The following YME1L1 variants were observed in gnomAD, a reference collection of about 807,000 sequenced individuals.
YME1L1 encodes ATP-dependent zinc metalloprotease YME1L1.
YME1L1 carries 39 observed loss-of-function variants against 90.4 expected under a neutral mutation model. The observed-to-expected ratio is 0.43, with a 90% CI of 0.33 to 0.56. YME1L1 has a LOEUF of 0.56. Among genes scored for constraint, YME1L1 ranks in the 20% least tolerant of loss-of-function variants. The pLI, the probability that YME1L1 is intolerant of heterozygous loss-of-function variation, is 0.03. For synonymous variants in YME1L1, 284 were observed against 287.3 expected, an observed-to-expected ratio of 0.99 and a Z score of 0.12; for missense variants, 617 against 868.4, an observed-to-expected ratio of 0.71 and a Z score of 3.64.
chr10:27,147,626 T>C (rs1009726926), intron 2 of YME1L1: 6 of 1,554,760 alleles, frequency 3.9e-6, no homozygotes, highest in African/African-American at 2.7e-5. Context: ...CCTTTGCCAA[T>C]TGAAACAATG....
chr10:27,130,396 CATATAA>C (rs1564461365), intron 8 of YME1L1, among the ~76,000 whole-genome samples: 3 of 152,196 alleles, frequency 2.0e-5, no homozygotes, highest in Non-Finnish European at 2.9e-5. Flanking sequence ...ACTTAACATA[CATATAA>C]ATATAATCTC....
Position 27,150,736 on chromosome 10 carries a change from A to AG in YME1L1, c.34-1697dup, listed in dbSNP as rs547403172. ...GTGGTCTAAAAAGGGGAGGAACCTT[A>AG]GGGGTCCCCCTTTCCCTGAAAACTT... On this transcript the variant is annotated intron_variant, in intron 1 of 18. Transcript: ENST00000376016. 1.2e-4 allele frequency among the ~76,000 whole-genome samples: 19 copies of AG among 152,278 alleles called. 1 individual carries two copies. The South Asian group carries it at 3.3e-3, about 27-fold the overall frequency.
At chr10:27,146,554 A>G (rs573621149) in intron 2 of YME1L1, 1 of 152,262 alleles carries the variant, frequency 6.6e-6, no homozygotes, top group South Asian at 2.1e-4. Context: ...CAACATGGTA[A>G]GACATCATCT....
chr10:27,153,105 T>G (rs2057246367), intron 1 of YME1L1: 2 of 454,676 alleles, frequency 4.4e-6, no homozygotes, highest in Admixed American at 4.8e-5. Flanking sequence ...CTTTCCTAAC[T>G]CAGGACCTCC....
chr10:27,135,574 G>A (rs1395826538), intron 5 of YME1L1, among the ~76,000 whole-genome samples: 2 of 152,134 alleles, frequency 1.3e-5, no homozygotes, highest in African/African-American at 4.8e-5. Context: ...ACAATCTGAC[G>A]GAGGCATGAA....
chr10:27,131,895 G>T lies in YME1L1; in HGVS notation c.822C>A (p.Val274=), dbSNP rs538552104. Residue 274 remains valine (V), a synonymous_variant, in exon 8 of 19, where the codon GTC becomes GTA. Coordinates refer to ENST00000376016, the MANE Select transcript of YME1L1 (RefSeq NM_014263.4). ...TTGLDSAVDP[V]QMKNVTFEHV... ...GTTCAAAGGTGACATTTTTCATCTG[G>T]ACAGGATCTACTGCAGAATCAAGCC... The T allele has an allele frequency of 6.2e-7, 1 of 1,613,048 alleles. No homozygotes were observed. The highest frequency in any genetic ancestry group is 8.5e-7 in the Non-Finnish European group (1 of 1,179,732).
rs1010072443 is a variant in YME1L1, at chr10:27,136,279, C to T, written c.537G>A (p.Val179=). 8 of 1,610,864 alleles carry T rather than the reference C, an allele frequency of 5.0e-6. No homozygotes were observed. The highest frequency in any genetic ancestry group is 5.9e-6 in the Non-Finnish European group (7 of 1,178,962). The change falls in exon 5 of 19, where the codon GTG becomes GTA. Residue 179 remains valine (V), a synonymous_variant. Coordinates refer to ENST00000376016, the MANE Select transcript of YME1L1 (RefSeq NM_014263.4). ...GATCATAAAAAGGTCTAATTACCTT[C>T]ACGAATGATGGCGCTATATTCTGTG... ...AETQNIAPSF[V]KGFLLRDRGS...
intron 11 of YME1L1, 150 bp downstream of exon 11, chr10:27,122,691 G>T: frequency 9.9e-7 from 1 of 1,005,370 alleles, no homozygotes; most frequent in Non-Finnish European, 1.4e-6. Flanking sequence ...GTTCTTGCAT[G>T]AGGGACTACT....
chr10:27,119,375 C>A lies in YME1L1; in HGVS notation c.1486G>T (p.Ala496Ser), dbSNP rs1270983397. ...CCATCAACAGCTGCTTTTAATGCAGCCTGGTTCACAAGATTCTCCAACTCT... is the reference window on the plus strand; with the variant it reads ...CCATCAACAGCTGCTTTTAATGCAGACTGGTTCACAAGATTCTCCAACTCT... The part of the protein sequence containing the change: ...GAELENLVNQ[A>S]ALKAAVDGKE... The change falls in exon 14 of 19, where the codon GCT becomes TCT. Residue 496 changes from alanine (A) to serine (S), a missense_variant. Coordinates refer to ENST00000376016, the MANE Select transcript of YME1L1 (RefSeq NM_014263.4). 2 of 1,613,726 alleles carry A rather than the reference C, an allele frequency of 1.2e-6. No individual in the cohort carries two copies. The highest frequency in any genetic ancestry group is 2.7e-5 in the African/African-American group (2 of 74,894).
intron 15 of YME1L1, 47 bp from the exon 16 acceptor site, chr10:27,116,392 G>C: frequency 1.2e-6 from 2 of 1,602,094 alleles, no homozygotes; most frequent in Non-Finnish European, 1.7e-6. Context: ...AAAGAGGCTG[G>C]GTGCGGTGGC....
chr10:27,111,995 T>C lies in YME1L1; in HGVS notation c.2133A>G (p.Lys711=). Reference sequence around the variant, plus strand: ...AGAGTTATCATCTCACTTCCAACTTTTTCCCCTCAAGAACAATTTGAATCT... The same window carrying C: ...AGAGTTATCATCTCACTTCCAACTTCTTCCCCTCAAGAACAATTTGAATCT... The part of the protein sequence containing the change: ...AKEIQIVLEG[K]KLEVR The change falls in exon 19 of 19, where the codon AAA becomes AAG. Residue 711 remains lysine (K), a synonymous_variant. Transcript: ENST00000376016. The C allele has an allele frequency of 6.2e-7, 1 of 1,614,062 alleles. No homozygotes were observed. Among genetic ancestry groups the C allele is most frequent in the Non-Finnish European group, 8.5e-7 (1 of 1,180,002 alleles).
intron 2 of YME1L1, chr10:27,147,646 G>T: frequency 6.4e-7 from 1 of 1,551,596 alleles, no homozygotes. Context: ...GTTAAGCTTC[G>T]TCAGGAAGTC....
In YME1L1 at chr10:27,119,164, C is replaced by G. The variant is rs530612114; in HGVS notation, c.1567+130G>C. ...ATTACAAATCTTGAAAACCCAGACA[C>G]TGAAGTTTTAGAGTAAGATTAGATT... On this transcript the variant is annotated intron_variant, in intron 14 of 18. Coordinates refer to ENST00000376016, the MANE Select transcript of YME1L1 (RefSeq NM_014263.4). The G allele has an allele frequency of 4.7e-5, 44 of 935,430 alleles. No homozygotes were observed. In the African/African-American group the frequency reaches 7.5e-4, roughly 16 times the overall value. The allele number at this position is 935,430 out of a possible 1,614,324, so 57.9% of individuals were successfully genotyped here. A position where few individuals can be genotyped will look rare whatever the true frequency, so the allele number is the denominator to read the frequency against.
chr10:27,124,066 A>G, intron 9 of YME1L1, among the ~76,000 whole-genome samples: 1 of 152,376 alleles, frequency 6.6e-6, no homozygotes, highest in South Asian at 2.1e-4. Context: ...ATGCTTTTTC[A>G]TAAAGAACAA....
At chr10:27,123,739 T>TA (rs2056889781) in intron 9 of YME1L1, 40 bp from the exon 10 acceptor site, 5 of 1,559,316 alleles carry the variant, frequency 3.2e-6, no homozygotes, top group African/African-American at 1.4e-5. Context: ...AAAGTATTTT[T>TA]AAAAAATCCC....
At chr10:27,130,925 C>T (rs1156501046) in intron 8 of YME1L1, among the ~76,000 whole-genome samples, 1 of 152,216 alleles carries the variant, frequency 6.6e-6, no homozygotes, top group Non-Finnish European at 1.5e-5. Context: ...AATCTTGTGG[C>T]TCTTTTTGAC....
At chr10:27,129,270 T>C (rs2056953963) in intron 8 of YME1L1, 1 of 152,170 alleles carries the variant, frequency 6.6e-6, no homozygotes, top group Non-Finnish European at 1.5e-5. Flanking sequence ...TCCACGCTGA[T>C]GACTGAAGTT....
At chr10:27,153,117 G>A in intron 1 of YME1L1, 1 of 458,426 alleles carries the variant, frequency 2.2e-6, no homozygotes, top group Non-Finnish European at 4.5e-6. Flanking sequence ...AGGACCTCCA[G>A]GTATTTTTCT....
chr10:27,130,611 G>A (rs12569491), intron 8 of YME1L1, among the ~76,000 whole-genome samples: 2,576 of 152,288 alleles, frequency 0.017, 143 homozygotes, highest in East Asian at 0.16. Context: ...TGTAATCCCA[G>A]CACTTTGATC....
Sources: allele counts gnomAD v4.1 joint callset (sites outside exome capture counted in the v4.1 genomes callset), GRCh38; gene constraint gnomAD v4.1.1; transcripts MANE v1.5; gene names NCBI Gene and HGNC (gene_info 2026-07-23, HGNC 2026-07-21).